GPHN: variants seen among roughly 807,000 people sequenced by gnomAD.
GPHN encodes gephyrin.
Under a neutral mutation model 95.5 loss-of-function variants are expected in GPHN, and 17 were observed. The ratio of observed to expected loss-of-function variants is 0.18; its 90% CI spans 0.12 to 0.27. The LOEUF is 0.27. Ranked by LOEUF, GPHN falls within the 10% of genes least tolerant of loss-of-function variation. The pLI is 1.00. For missense variants in GPHN, 660 were observed against 978.1 expected (o/e 0.67, Z 4.34); for synonymous variants, 320 against 322.5 (o/e 0.99, Z 0.08).
intron 8 of GPHN, among the ~76,000 whole-genome samples, chr14:66,932,541 G>T (rs907678253): frequency 6.9e-6 from 1 of 144,198 alleles, no homozygotes; most frequent in East Asian, 2.1e-4. Flanking sequence ...AAGAGCTAGG[G>T]CCTGGGATGG....
the GPHN span, chr14:67,727,519 G>A: frequency 3.1e-6 from 1 of 320,966 alleles, no homozygotes; most frequent in Non-Finnish European, 5.8e-6. Flanking sequence ...TTTCGCTCTT[G>A]TCGCCCAGGC....
intron 17 of GPHN, among the ~76,000 whole-genome samples, chr14:67,125,415 A>G (rs548456226): frequency 6.6e-6 from 1 of 152,308 alleles, no homozygotes; most frequent in East Asian, 1.9e-4. Flanking sequence ...AAAGCTCTCC[A>G]GGGAAACAAG....
the GPHN span, among the ~76,000 whole-genome samples, chr14:67,396,170 C>A: frequency 1.3e-5 from 2 of 151,342 alleles, no homozygotes; most frequent in African/African-American, 2.4e-5. Flanking sequence ...TTTCTTGAGA[C>A]GGAGTCTTGC....
At chr14:67,311,361 G>A in the GPHN span, among the ~76,000 whole-genome samples, 4 of 150,152 alleles carry the variant, frequency 2.7e-5, no homozygotes, top group Non-Finnish European at 4.4e-5. Flanking sequence ...GGATAGAAAT[G>A]GACCTTGAAT....
chr14:66,882,696 A>G (rs1191698395), intron 5 of GPHN, among the ~76,000 whole-genome samples: 1 of 151,706 alleles, frequency 6.6e-6, no homozygotes, highest in Non-Finnish European at 1.5e-5. Context: ...AGTGATGACC[A>G]TGGTTGTTTC....
At chr14:67,438,138 T>C in the GPHN span, among the ~76,000 whole-genome samples, 1 of 152,064 alleles carries the variant, frequency 6.6e-6, no homozygotes, top group Non-Finnish European at 1.5e-5. Context: ...TTGGCAAAGC[T>C]CCCAGGACAG....
chr14:66,871,479 G>T (rs1178860549), intron 4 of GPHN, among the ~76,000 whole-genome samples: 1 of 152,186 alleles, frequency 6.6e-6, no homozygotes, highest in Non-Finnish European at 1.5e-5. Flanking sequence ...CTTGCTTGAT[G>T]TTTAGGGCTC....
At chr14:67,644,997 T>G in the GPHN span, among the ~76,000 whole-genome samples, 1 of 132,434 alleles carries the variant, frequency 7.6e-6, no homozygotes, top group Non-Finnish European at 1.6e-5. Flanking sequence ...GACTCCGTCT[T>G]AAAAAAAAAA....
chr14:67,531,968 A>G, the GPHN span, among the ~76,000 whole-genome samples: 9 of 151,784 alleles, frequency 5.9e-5, no homozygotes, highest in African/African-American at 2.2e-4. Flanking sequence ...AGCAAAATCC[A>G]GAGAACGTGT....
the GPHN span, among the ~76,000 whole-genome samples, chr14:67,420,821 G>C: frequency 6.6e-6 from 1 of 152,244 alleles, no homozygotes; most frequent in African/African-American, 2.4e-5. Flanking sequence ...ATCCCAAATT[G>C]AGGTCTTTTC....
intron 1 of GPHN, among the ~76,000 whole-genome samples, chr14:66,593,767 G>C (rs975784357): frequency 1.1e-4 from 17 of 152,300 alleles, no homozygotes; most frequent in African/African-American, 3.6e-4. Flanking sequence ...TGAGGAACAA[G>C]ACATGGGTAC....
chr14:67,178,202 A>G (rs2083118692), intron 21 of GPHN, among the ~76,000 whole-genome samples: 1 of 152,156 alleles, frequency 6.6e-6, no homozygotes. Context: ...GCAGGTACCA[A>G]TTATTCCTTT....
At chr14:67,425,883 C>T in the GPHN span, among the ~76,000 whole-genome samples, 2 of 151,960 alleles carry the variant, frequency 1.3e-5, no homozygotes, top group Non-Finnish European at 2.9e-5. Flanking sequence ...TCCCTCCCTG[C>T]CCCACACCCC....
chr14:66,821,953 T>C (rs7141609), intron 3 of GPHN, among the ~76,000 whole-genome samples: 1 of 152,148 alleles, frequency 6.6e-6, no homozygotes, highest in Non-Finnish European at 1.5e-5. Context: ...AACTGATTTT[T>C]GTTTGTTTGT....
At chr14:67,601,068 G>A in the GPHN span, among the ~76,000 whole-genome samples, 3 of 152,212 alleles carry the variant, frequency 2.0e-5, no homozygotes, top group African/African-American at 7.2e-5. Context: ...TTCCTTTCTA[G>A]TAGGAGACAA....
chr14:66,923,895 T>C (rs914007613), intron 7 of GPHN, among the ~76,000 whole-genome samples: 3 of 151,758 alleles, frequency 2.0e-5, no homozygotes, highest in African/African-American at 7.2e-5. Context: ...AGTAAGTATT[T>C]AAGTTTTGTG....
chr14:67,537,349 T>A, the GPHN span, among the ~76,000 whole-genome samples: 22 of 121,466 alleles, frequency 1.8e-4, 2 homozygotes, highest in African/African-American at 5.6e-4. Flanking sequence ...ATCTCAAAAA[T>A]AATAATAATA....
At chr14:66,778,161 G>A (rs1017374747) in intron 3 of GPHN, among the ~76,000 whole-genome samples, 11 of 152,028 alleles carry the variant, frequency 7.2e-5, no homozygotes, top group Non-Finnish European at 1.5e-4. Context: ...AAAATCACAA[G>A]CATTCTTATA....
At chr14:67,579,297 A>G in the GPHN span, 2 of 1,539,116 alleles carry the variant, frequency 1.3e-6, no homozygotes, top group Non-Finnish European at 1.7e-6. Flanking sequence ...GCACTTTACC[A>G]ACGGGACTTA....
Sources: allele counts gnomAD v4.1 joint callset (sites outside exome capture counted in the v4.1 genomes callset), GRCh38; gene constraint gnomAD v4.1.1; transcripts MANE v1.5; gene names NCBI Gene and HGNC (gene_info 2026-07-23, HGNC 2026-07-21).